The following SLC5A3 variants were observed in gnomAD, a reference collection of about 807,000 sequenced individuals.
SLC5A3 encodes the protein sodium/myo-inositol cotransporter.
SLC5A3 carries 10 observed loss-of-function variants against 43.2 expected under a neutral mutation model. The observed-to-expected ratio is 0.23, with a 90% confidence interval of 0.14 to 0.39. The LOEUF is 0.39. Ranked by LOEUF, SLC5A3 falls within the 10% of genes least tolerant of loss-of-function variation. The pLI, the probability that SLC5A3 is intolerant of heterozygous loss-of-function variation, is 1.00. For synonymous variants in SLC5A3, 349 were observed against 322.0 expected (o/e 1.08, Z -0.90); for missense variants, 608 against 893.4 (o/e 0.68, Z 4.07).
intron 1 of SLC5A3, among the ~76,000 whole-genome samples, chr21:34,076,672 A>C (rs1989339937): frequency 2.0e-5 from 3 of 152,252 alleles, no homozygotes; most frequent in African/African-American, 4.8e-5. Context: ...TTTCTGTTTT[A>C]GCGTGAAAAG....
In SLC5A3 at chr21:34,099,157, C is replaced by T; in HGVS notation, c.*1802C>T. 1.0e-6 allele frequency: 1 copy of T among 998,960 alleles called. No homozygotes were observed. The highest frequency in any genetic ancestry group is 1.2e-6 in the Non-Finnish European group (1 of 829,154). 61.9% of individuals were successfully genotyped at this position (998,960 alleles called of 1,614,324 possible). A position where few individuals can be genotyped will look rare whatever the true frequency, so the allele number is the denominator to read the frequency against. On this transcript the variant is annotated 3_prime_UTR_variant, in exon 2 of 2. Transcript: ENST00000381151. Reference sequence around the variant, plus strand: ...GAAAAAATAATTTATGTATGAATAGCATGTATTTCTGAAGAGCTTAGAGTG... The same window carrying T: ...GAAAAAATAATTTATGTATGAATAGTATGTATTTCTGAAGAGCTTAGAGTG...
chr21:34,077,823 CAGTT>C (rs1004218263), intron 1 of SLC5A3, among the ~76,000 whole-genome samples: 4 of 152,070 alleles, frequency 2.6e-5, no homozygotes, highest in African/African-American at 9.7e-5. Context: ...ATGTAGAAAA[CAGTT>C]GGTTTTCTGG....
chr21:34,075,200 T>C (rs991334311), intron 1 of SLC5A3, among the ~76,000 whole-genome samples: 3 of 152,230 alleles, frequency 2.0e-5, no homozygotes, highest in African/African-American at 7.2e-5. Context: ...GGGAAATTCG[T>C]TACTGAAATT....
Position 34,103,593 on chromosome 21 carries a change from T to C in SLC5A3, c.*6238T>C. On this transcript the variant is annotated 3_prime_UTR_variant, in exon 2 of 2. Coordinates refer to ENST00000381151, the MANE Select transcript of SLC5A3 (RefSeq NM_006933.7). ...AAAGCACAAAATCGTGTTCACACAT[T>C]AGTGTACCCACACATAGAAAGCACA... 2.0e-6 allele frequency: 2 copies of C among 1,000,200 alleles called. No homozygotes were observed. The highest frequency in any genetic ancestry group is 6.2e-5 in the Admixed American group (1 of 16,260). 62.0% of individuals were successfully genotyped at this position (1,000,200 alleles called of 1,614,324 possible).
chr21:34,074,159 C>T (rs1989262410), intron 1 of SLC5A3, among the ~76,000 whole-genome samples: 1 of 149,260 alleles, frequency 6.7e-6, no homozygotes, highest in Non-Finnish European at 1.5e-5. Context: ...TCGTCGCCGG[C>T]CCCGCCGCCG....
chr21:34,095,294 T>C lies in SLC5A3; in HGVS notation c.96T>C (p.Asn32=), dbSNP rs774552574. 47 of 1,614,046 alleles carry C rather than the reference T, an allele frequency of 2.9e-5. No homozygotes were observed. The highest frequency in any genetic ancestry group is 3.8e-5 in the Non-Finnish European group (45 of 1,180,004). ...CIGFFAMWKS[N]RSTVSGYFLA... is the part of the protein sequence containing the mutation. ...GTTTTTTTGCCATGTGGAAATCTAA[T>C]AGAAGCACCGTGAGTGGATACTTCC... The change falls in exon 2 of 2, where the codon AAT becomes AAC. Residue 32 remains asparagine, a synonymous_variant. Transcript: ENST00000381151.
chr21:34,087,755 T>G lies in SLC5A3; in HGVS notation c.-336-7108T>G, dbSNP rs75547477. Among the ~76,000 whole-genome samples the G allele has an allele frequency of 2.0e-5, 3 of 152,304 alleles. No homozygotes were observed. In the East Asian group the frequency reaches 5.8e-4, roughly 29 times the overall value. ...GACTGCTTGCTGTGCTAGTGCCCTG[T>G]AGTGGGCCAAGGGCAGAAGCATGGA... is the stretch of plus-strand genomic sequence containing the variant. On this transcript the variant is annotated intron_variant, in intron 1 of 1. Transcript: ENST00000381151.
intron 1 of SLC5A3, among the ~76,000 whole-genome samples, chr21:34,088,291 T>TA (rs1323126940): frequency 6.6e-6 from 1 of 152,226 alleles, no homozygotes; most frequent in Non-Finnish European, 1.5e-5. Flanking sequence ...TTAACACTGA[T>TA]AAAAAGAATG....
chr21:34,105,812 A>G lies in SLC5A3; in HGVS notation c.*8457A>G. 2.0e-6 allele frequency: 2 copies of G among 996,616 alleles called. No individual in the cohort carries two copies. The highest frequency in any genetic ancestry group is 2.4e-6 in the Non-Finnish European group (2 of 826,828). The allele number at this position is 996,616 out of a possible 1,614,324, so 61.7% of individuals were successfully genotyped here. On this transcript the variant is annotated 3_prime_UTR_variant, in exon 2 of 2. Transcript: ENST00000381151. ...TACAGTGTTTTAGTTGCAAGCAGAA[A>G]GTAGAATTTGGTATAAAGCAGGTTA...
rs1240076187 is a variant in SLC5A3 at position 34,104,795 on chromosome 21, G to GT, written c.*7442dup. On this transcript the variant is annotated 3_prime_UTR_variant, in exon 2 of 2. Transcript: ENST00000381151. ...TGATAATGCAAAGCTGTTATAACCT[G>GT]TTAATCCTACGTACTATGTGTTCTG... 4.0e-5 allele frequency: 40 copies of GT among 1,000,102 alleles called. No individual in the cohort carries two copies. Among genetic ancestry groups the GT allele is most frequent in the Non-Finnish European group, 4.8e-5 (40 of 829,956 alleles). The allele number at this position is 1,000,102 out of a possible 1,614,324, so 62.0% of individuals were successfully genotyped here. A position where few individuals can be genotyped will look rare whatever the true frequency, so the allele number is the denominator to read the frequency against.
Position 34,102,847 on chromosome 21 carries a change from CA to C in SLC5A3, c.*5493del. The C allele has an allele frequency of 1.0e-6, 1 of 1,000,068 alleles. No individual in the cohort carries two copies. Among genetic ancestry groups the C allele is most frequent in the Non-Finnish European group, 1.2e-6 (1 of 829,926 alleles). 61.9% of individuals were successfully genotyped at this position (1,000,068 alleles called of 1,614,324 possible). ...CCCTCACTTCTAGGTTGTTTACATTCAGAGCTCTATCAATAAGAGGAATACA... is the reference window on the plus strand; with the variant it reads ...CCCTCACTTCTAGGTTGTTTACATTCGAGCTCTATCAATAAGAGGAATACA... On this transcript the variant is annotated 3_prime_UTR_variant, in exon 2 of 2. Transcript: ENST00000381151.
chr21:34,073,960 C>T lies in SLC5A3; in HGVS notation c.-337+215C>T, dbSNP rs1020959045. ...GTGCGCGCGGGAGGCGGGGGTGTGC[C>T]TGCGCGTGTGCGCGGTCCGGGAGGG... On this transcript the variant is annotated intron_variant, in intron 1 of 1. Coordinates refer to ENST00000381151, the MANE Select transcript of SLC5A3 (RefSeq NM_006933.7). Among the ~76,000 whole-genome samples the T allele has an allele frequency of 4.1e-5, 6 of 145,938 alleles. No homozygotes were observed. The South Asian group carries it at 6.2e-4, about 15-fold the overall frequency.
At chr21:34,083,801 G>A (rs774764953) in intron 1 of SLC5A3, among the ~76,000 whole-genome samples, 4 of 152,194 alleles carry the variant, frequency 2.6e-5, no homozygotes, top group Admixed American at 2.6e-4. Context: ...CAAATTTTGT[G>A]TGTGTAAGAA....
Position 34,096,770 on chromosome 21 carries a change from C to A in SLC5A3, c.1572C>A (p.Leu524=), listed in dbSNP as rs745713093. The change falls in exon 2 of 2, where the codon CTC becomes CTA. Residue 524 remains leucine, a synonymous_variant. Coordinates refer to ENST00000381151, the MANE Select transcript of SLC5A3 (RefSeq NM_006933.7). The surrounding 1 kb of genome is among the most constrained non-coding windows in gnomAD (Gnocchi z 5.9). ...VATGLFWVTG[L]ITVIVSLLTP... is the part of the protein sequence containing the mutation. Reference sequence around the variant, plus strand: ...CAGGATTGTTTTGGGTCACGGGACTCATTACTGTAATTGTGAGCCTTCTCA... The same window carrying A: ...CAGGATTGTTTTGGGTCACGGGACTAATTACTGTAATTGTGAGCCTTCTCA... 6.2e-7 allele frequency: 1 copy of A among 1,613,890 alleles called. No individual in the cohort carries two copies. Among genetic ancestry groups the A allele is most frequent in the African/African-American group, 1.3e-5 (1 of 74,882 alleles).
intron 1 of SLC5A3, among the ~76,000 whole-genome samples, chr21:34,075,345 G>A (rs751476334): frequency 1.2e-4 from 18 of 152,138 alleles, no homozygotes; most frequent in Non-Finnish European, 2.2e-4. Context: ...CTTTGTTTTT[G>A]CCATAGTTGC....
In SLC5A3 at chr21:34,098,702, CTG is replaced by C. The variant is rs1979087473; in HGVS notation, c.*1351_*1352del. The C allele has an allele frequency of 1.0e-6, 1 of 999,470 alleles. No homozygotes were observed. The highest frequency in any genetic ancestry group is 1.2e-6 in the Non-Finnish European group (1 of 829,438). 61.9% of individuals were successfully genotyped at this position (999,470 alleles called of 1,614,324 possible). Reference sequence around the variant, plus strand: ...GTGTCTTGTGGAGGGTATTACAGGACTGTGTAATTATAGGACTCTAACTTGAC... The same window carrying C: ...GTGTCTTGTGGAGGGTATTACAGGACTGTAATTATAGGACTCTAACTTGAC... On this transcript the variant is annotated 3_prime_UTR_variant, in exon 2 of 2. Coordinates refer to ENST00000381151, the MANE Select transcript of SLC5A3 (RefSeq NM_006933.7).
In SLC5A3 at chr21:34,096,145, C is replaced by G; in HGVS notation, c.947C>G (p.Pro316Arg). ...CTGCCAATGTTTATCATAGTTGTCC[C>G]AGGAATGATTTCCAGGATACTGTTT... ...KLLPMFIIVV[P>R]GMISRILFTD... Residue 316 changes from proline (P) to arginine (R), a missense_variant, in exon 2 of 2, where the codon CCA becomes CGA. Pro to Arg is a moderately radical substitution (Grantham distance 103). Coordinates refer to ENST00000381151, the MANE Select transcript of SLC5A3 (RefSeq NM_006933.7). The surrounding 1 kb of genome is among the most constrained non-coding windows in gnomAD (Gnocchi z 5.9). 6.2e-7 allele frequency: 1 copy of G among 1,614,148 alleles called. No homozygotes were observed. The highest frequency in any genetic ancestry group is 8.5e-7 in the Non-Finnish European group (1 of 1,180,016).
chr21:34,101,306 C>T lies in SLC5A3; in HGVS notation c.*3951C>T. ...CTCCTCCCCATATAAATCAGGGCAC[C>T]AATAAATAAGTTTCAGCTTTTTAAA... On this transcript the variant is annotated 3_prime_UTR_variant, in exon 2 of 2. Transcript: ENST00000381151. 1.0e-6 allele frequency: 1 copy of T among 1,000,122 alleles called. No homozygotes were observed. Among genetic ancestry groups the T allele is most frequent in the Non-Finnish European group, 1.2e-6 (1 of 829,944 alleles). The allele number at this position is 1,000,122 out of a possible 1,614,324, so 62.0% of individuals were successfully genotyped here. A position where few individuals can be genotyped will look rare whatever the true frequency, so the allele number is the denominator to read the frequency against.
In SLC5A3 at chr21:34,088,455, TCA is replaced by T. The variant is rs1309850592; in HGVS notation, c.-336-6403_-336-6402del. Among the ~76,000 whole-genome samples the T allele has an allele frequency of 2.6e-5, 4 of 152,364 alleles. No homozygotes were observed. In the East Asian group the frequency reaches 7.7e-4, roughly 29 times the overall value. On this transcript the variant is annotated intron_variant, in intron 1 of 1. Transcript: ENST00000381151. ...TATCCATACACATCCATTCACATGATCACACAAAGATTTCAACTGGTTTTTAT... is the reference window on the plus strand; with the variant it reads ...TATCCATACACATCCATTCACATGATCACAAAGATTTCAACTGGTTTTTAT...
Sources: allele counts gnomAD v4.1 joint callset (sites outside exome capture counted in the v4.1 genomes callset), GRCh38; gene constraint gnomAD v4.1.1; non-coding constraint Gnocchi (gnomAD v3.1); transcripts MANE v1.5; gene names NCBI Gene and HGNC (gene_info 2026-07-23, HGNC 2026-07-21).